The following SCART1 variants were observed in gnomAD, a reference collection of about 807,000 sequenced individuals.
The protein encoded by SCART1 is scavenger receptor cysteine-rich domain-containing protein SCART1.
Under a neutral mutation model 36.2 loss-of-function variants are expected in SCART1, and 62 were observed. That is an observed-to-expected ratio of 1.71 (90% CI 1.40 to 2.12). The LOEUF (loss-of-function observed/expected upper bound fraction) is 2.12, where lower values mean the gene tolerates loss of function less well. SCART1 is among the 30% of genes most tolerant of loss of function. The pLI, the probability that SCART1 is intolerant of heterozygous loss-of-function variation, is 0.00. For synonymous variants in SCART1, 487 were observed against 238.7 expected, an observed-to-expected ratio of 2.04 and a Z score of -9.59; for missense variants, 1,041 against 540.5, an observed-to-expected ratio of 1.93 and a Z score of -9.18.
chr10:133,460,051 G>A, exon 6 of SCART1: 1 of 511,146 alleles, frequency 2.0e-6, no homozygotes, highest in Non-Finnish European at 3.4e-6. Context: ...GGGGCAGGGC[G>A]CATCTGGCTG....
rs79035481 is a variant in SCART1, at chr10:133,461,961, C to T, written c.1969+1791C>T. Among the ~76,000 whole-genome samples the T allele has an allele frequency of 3.7e-3, 559 of 152,334 alleles. 6 individuals carry two copies. Among genetic ancestry groups the T allele is most frequent in the Admixed American group, 8.5e-3 (130 of 15,304 alleles). ...ATCTGAGCTGGCATCTACAGGCACC[C>T]GGCTGTCAGACCATCTGCTGGAGCC... On this transcript the variant is annotated intron_variant, in intron 6 of 11. Coordinates refer to ENST00000640237, the Ensembl canonical transcript of SCART1.
At chr10:133,469,604 G>A (rs145588286), downstream of SCART1, among the ~76,000 whole-genome samples, 870 of 152,160 alleles carry the variant, frequency 5.7e-3, 10 homozygotes, top group Admixed American at 8.8e-3. Flanking sequence ...GGGGTGGGGG[G>A]CTAGGGAAGG....
chr10:133,457,491 G>A lies in SCART1; in HGVS notation c.598G>A (p.Glu200Lys), dbSNP rs146949813. 8.5e-4 allele frequency: 594 copies of A among 702,714 alleles called. 6 individuals are homozygous for A. The East Asian group carries it at 0.015, about 18-fold the overall frequency. 43.5% of individuals were successfully genotyped at this position (702,714 alleles called of 1,614,324 possible). ...GAAGTACCTGGCCTGCAGGGGTACC[G>A]AGCCCACCATCCGCAGCTGCAGACT... Residue 200 changes from glutamate to lysine, a missense_variant, in exon 3 of 12, where the codon GAG becomes AAG. Transcript: ENST00000640237.
chr10:133,464,946 C>T, intron 7 of SCART1, 35 bp downstream of exon 7: 1 of 702,886 alleles, frequency 1.4e-6, no homozygotes, highest in Non-Finnish European at 2.6e-6. Flanking sequence ...CATTAGAGGT[C>T]TCTGGGGGTG....
intron 2 of SCART1, chr10:133,457,050 A>T: frequency 3.5e-6 from 2 of 568,382 alleles, no homozygotes; most frequent in Non-Finnish European, 6.2e-6. Flanking sequence ...TTTGGGGCCC[A>T]GTGTGAACGG....
chr10:133,461,015 T>C (rs1022196868), intron 6 of SCART1, among the ~76,000 whole-genome samples: 1 of 152,104 alleles, frequency 6.6e-6, no homozygotes, highest in African/African-American at 2.4e-5. Context: ...GGATTACAGG[T>C]GTGAGCCACC....
chr10:133,465,591 G>T, intron 9 of SCART1, 26 bp downstream of exon 9: 1 of 575,524 alleles, frequency 1.7e-6, no homozygotes, highest in Non-Finnish European at 3.1e-6. Context: ...TGGGAAGTCG[G>T]TCATGGGGCC....
chr10:133,469,682 T>G (rs1191741985), downstream of SCART1, among the ~76,000 whole-genome samples: 1 of 152,108 alleles, frequency 6.6e-6, no homozygotes, highest in Non-Finnish European at 1.5e-5. Flanking sequence ...CCACGACACG[T>G]GTATACCTAT....
rs1034742108 is a variant in SCART1, at chr10:133,467,184, T to C, written c.2807-14T>C. On this transcript the variant is annotated splice_polypyrimidine_tract_variant and intron_variant, in intron 10 of 11. Transcript: ENST00000640237. ...ACTGAGGGCCTGTGTGTGACCATGCTCACCTTGCCTCAGGTCTGGGAAGAT... is the reference window on the plus strand; with the variant it reads ...ACTGAGGGCCTGTGTGTGACCATGCCCACCTTGCCTCAGGTCTGGGAAGAT... The C allele has an allele frequency of 4.4e-6, 3 of 686,744 alleles. No individual in the cohort carries two copies. Among genetic ancestry groups the C allele is most frequent in the Non-Finnish European group, 8.0e-6 (3 of 376,542 alleles). The allele number at this position is 686,744 out of a possible 1,614,324, so 42.5% of individuals were successfully genotyped here.
chr10:133,457,053 G>T, intron 2 of SCART1: 2 of 571,772 alleles, frequency 3.5e-6, no homozygotes, highest in Non-Finnish European at 6.1e-6. Context: ...GGGGCCCAGT[G>T]TGAACGGATC....
chr10:133,456,156 G>A (rs1382091721), intron 1 of SCART1, 81 bp from the exon 2 acceptor site: 18 of 650,224 alleles, frequency 2.8e-5, no homozygotes, highest in East Asian at 1.4e-4. Flanking sequence ...CTCACAGGCC[G>A]TTCCCTGCTG....
At chr10:133,455,293 C>T (rs1850595197) in intron 1 of SCART1, among the ~76,000 whole-genome samples, 1 of 152,050 alleles carries the variant, frequency 6.6e-6, no homozygotes, top group Non-Finnish European at 1.5e-5. Context: ...CAGACACCAG[C>T]ACGCATCCAT....
At chr10:133,462,490 C>A (rs1850713728) in intron 6 of SCART1, among the ~76,000 whole-genome samples, 1 of 152,152 alleles carries the variant, frequency 6.6e-6, no homozygotes, top group Non-Finnish European at 1.5e-5. Flanking sequence ...AAAGAAAAAA[C>A]CATCTGTAAT....
At chr10:133,456,834 G>A (rs1470205692) in intron 2 of SCART1, among the ~76,000 whole-genome samples, 6 of 152,202 alleles carry the variant, frequency 3.9e-5, no homozygotes, top group East Asian at 1.9e-4. Flanking sequence ...GGCAGCAGCC[G>A]AGCGGGGGCG....
chr10:133,465,342 C>A (rs746825505), exon 9 of SCART1: 1 of 688,756 alleles, frequency 1.5e-6, no homozygotes, highest in Non-Finnish European at 2.6e-6. Context: ...CCGTGTGCGA[C>A]GATGGCTGGG....
intron 3 of SCART1, chr10:133,457,975 C>A: frequency 1.9e-6 from 1 of 516,392 alleles, no homozygotes; most frequent in Non-Finnish European, 3.5e-6. Context: ...ATATGAGGAG[C>A]AGCTGAAATG....
intron 1 of SCART1, 69 bp downstream of exon 1, chr10:133,454,133 G>T: frequency 1.4e-6 from 1 of 701,422 alleles, no homozygotes; most frequent in Non-Finnish European, 2.6e-6. Flanking sequence ...CCAGGCCCCG[G>T]GGCATGAGGG....
exon 12 of SCART1, chr10:133,467,903 C>T (rs1242544493): frequency 8.6e-6 from 6 of 700,164 alleles, no homozygotes; most frequent in Non-Finnish European, 1.6e-5. Flanking sequence ...GGAGGGAGGA[C>T]ACAGCAGACC....
Position 133,465,190 on chromosome 10 carries a change from TGTC to T in SCART1, c.2344+18_2344+20del. On this transcript the variant is annotated intron_variant, in intron 8 of 11. Coordinates refer to ENST00000640237, the Ensembl canonical transcript of SCART1. ...GGCTGCCCAGGTACCCCTCTGTCCTTGTCGCTGTCCTCCTTCCCATCCCGGTCC... is the reference window on the plus strand; with the variant it reads ...GGCTGCCCAGGTACCCCTCTGTCCTTGCTGTCCTCCTTCCCATCCCGGTCC... 1 of 702,992 alleles carries T rather than the reference TGTC, an allele frequency of 1.4e-6. No individual in the cohort carries two copies. Among genetic ancestry groups the T allele is most frequent in the Non-Finnish European group, 2.6e-6 (1 of 384,968 alleles). 43.5% of individuals were successfully genotyped at this position (702,992 alleles called of 1,614,324 possible).
Sources: allele counts gnomAD v4.1 joint callset (sites outside exome capture counted in the v4.1 genomes callset), GRCh38; gene constraint gnomAD v4.1.1; transcripts MANE v1.5; gene names NCBI Gene and HGNC (gene_info 2026-07-23, HGNC 2026-07-21).